ARAP2: variants seen among roughly 807,000 people sequenced by gnomAD.
ARAP2 encodes ArfGAP with RhoGAP domain, ankyrin repeat and PH domain 2, also known as arf-GAP with Rho-GAP domain, ANK repeat and PH domain-containing protein 2.
Under a neutral mutation model 194.5 loss-of-function variants are expected in ARAP2, and 148 were observed. The ratio of observed to expected loss-of-function variants is 0.76; its 90% confidence interval spans 0.67 to 0.87. ARAP2 has a LOEUF of 0.87. ARAP2 is among the 40% of genes least tolerant of loss of function. The probability of loss-of-function intolerance (pLI) is 0.00; values close to 1 mark genes in which losing one functional copy is unlikely to be tolerated. For synonymous variants in ARAP2, 695 were observed against 683.5 expected, an observed-to-expected ratio of 1.02 and a Z score of -0.26; for missense variants, 2,128 against 1,989.7, an observed-to-expected ratio of 1.07 and a Z score of -1.32.
chr4:36,238,076 T>C (rs1288948058), intron 1 of ARAP2, among the ~76,000 whole-genome samples: 1 of 152,160 alleles, frequency 6.6e-6, no homozygotes, highest in Non-Finnish European at 1.5e-5. Context: ...ATCTCTCTCC[T>C]CCGCCATCCA....
chr4:36,136,929 C>T (rs977631810), intron 19 of ARAP2, among the ~76,000 whole-genome samples: 11 of 26,368 alleles, frequency 4.2e-4, no homozygotes, highest in African/African-American at 2.4e-3. Context: ...TACACGCGCG[C>T]GCGCACACAC....
At position 36,187,538 on chromosome 4, in the gene ARAP2, C is replaced by T. The variant is rs769784915; in HGVS notation, c.1591G>A (p.Ala531Thr). 2 of 1,565,530 alleles carry T rather than the reference C, an allele frequency of 1.3e-6. No homozygotes were observed. Among genetic ancestry groups the T allele is most frequent in the East Asian group, 4.6e-5 (2 of 43,094 alleles). Residue 531 changes from alanine to threonine, a missense_variant, in exon 8 of 33, where the codon GCT becomes ACT. Transcript: ENST00000303965. ...CCTTGAACTCGTACTGTTGATATAG[C>T]AGAAAGGGGAATTATTCCTTTCGAA... ...MYSKGIIPLSAISTVRVQGDN... is the reference protein window; with the variant it reads ...MYSKGIIPLSTISTVRVQGDN...
intron 2 of ARAP2, among the ~76,000 whole-genome samples, chr4:36,053,009 G>GT (rs1027438175): frequency 1.2e-4 from 18 of 151,872 alleles, no homozygotes; most frequent in African/African-American, 1.2e-4. Context: ...AGCATGCAGG[G>GT]TTTTTTTTGT....
chr4:36,027,277 G>A (rs1430203548), intron 5 of ARAP2, among the ~76,000 whole-genome samples: 7 of 152,034 alleles, frequency 4.6e-5, no homozygotes, highest in Admixed American at 3.3e-4. Flanking sequence ...GAGAGCAAAG[G>A]TAATTTCAAG....
intron 6 of ARAP2, among the ~76,000 whole-genome samples, chr4:36,197,691 C>T (rs920608572): frequency 2.0e-5 from 3 of 152,200 alleles, no homozygotes; most frequent in Non-Finnish European, 4.4e-5. Flanking sequence ...AGCAAGTGAG[C>T]ATGGGGTCCA....
chr4:36,024,707 G>C (rs572801067), intron 5 of ARAP2, among the ~76,000 whole-genome samples: 1 of 152,062 alleles, frequency 6.6e-6, no homozygotes, highest in South Asian at 2.1e-4. Flanking sequence ...TGTCAATATG[G>C]GAGGTAGGAA....
In ARAP2 at chr4:36,113,784, C is replaced by T. The variant is rs562513415; in HGVS notation, c.4156+386G>A. Among the ~76,000 whole-genome samples the T allele has an allele frequency of 5.1e-4, 77 of 151,976 alleles. 1 individual carries two copies. Among genetic ancestry groups the T allele is most frequent in the Non-Finnish European group, 1.1e-3 (73 of 67,918 alleles). ...GAAAAAAGAAAAATAAAAAATGAAGCTTCTGCTGCTCTTAAAATTATTTTA... is the reference window on the plus strand; with the variant it reads ...GAAAAAAGAAAAATAAAAAATGAAGTTTCTGCTGCTCTTAAAATTATTTTA... On this transcript the variant is annotated intron_variant, in intron 26 of 32. Transcript: ENST00000303965.
chr4:36,018,028 T>C (rs1265354925), intron 6 of ARAP2, among the ~76,000 whole-genome samples: 1 of 152,222 alleles, frequency 6.6e-6, no homozygotes, highest in Non-Finnish European at 1.5e-5. Context: ...GTATTTACTG[T>C]ACTTTTATGA....
chr4:36,107,667 C>A lies in ARAP2; in HGVS notation c.4183G>T (p.Val1395Leu). 6.2e-7 allele frequency: 1 copy of A among 1,609,374 alleles called. No individual in the cohort carries two copies. Among genetic ancestry groups the A allele is most frequent in the Non-Finnish European group, 8.5e-7 (1 of 1,177,244 alleles). ...LERPLHYKEN[V>L]LEQVLRWSSL... is the part of the protein sequence containing the mutation. ...CTCCACCGAAGCACCTGCTCCAGTACATTTTCCTTGTAGTGAAGAGGACGC... is the reference window on the plus strand; with the variant it reads ...CTCCACCGAAGCACCTGCTCCAGTAAATTTTCCTTGTAGTGAAGAGGACGC... The change falls in exon 27 of 33, where the codon GTA becomes TTA. Residue 1395 changes from valine (V) to leucine (L), a missense_variant. Coordinates refer to ENST00000303965, the MANE Select transcript of ARAP2 (RefSeq NM_015230.4).
intron 2 of ARAP2, among the ~76,000 whole-genome samples, chr4:36,228,097 C>T (rs1162261728): frequency 6.6e-6 from 1 of 152,166 alleles, no homozygotes; most frequent in African/African-American, 2.4e-5. Context: ...TCTTTGCATC[C>T]TTCCCACCGA....
intron 19 of ARAP2, 117 bp downstream of exon 19, chr4:36,147,179 T>C (rs1033540404): frequency 8.5e-6 from 7 of 820,148 alleles, no homozygotes; most frequent in Non-Finnish European, 1.4e-5. Flanking sequence ...TTTATATGAT[T>C]CAGAAAATTT....
intron 1 of ARAP2, among the ~76,000 whole-genome samples, chr4:36,234,014 T>G (rs1014979612): frequency 6.6e-6 from 1 of 152,224 alleles, no homozygotes; most frequent in African/African-American, 2.4e-5. Flanking sequence ...ATAAACCCAT[T>G]GTATGCTGCA....
chr4:36,230,474 T>A (rs1191824935), intron 1 of ARAP2, among the ~76,000 whole-genome samples: 5 of 152,232 alleles, frequency 3.3e-5, no homozygotes, highest in Non-Finnish European at 7.3e-5. Context: ...AATCAGCTAA[T>A]TCTTAAATAC....
intron 5 of ARAP2, among the ~76,000 whole-genome samples, chr4:36,021,458 T>C (rs188039636): frequency 2.0e-5 from 3 of 152,306 alleles, no homozygotes; most frequent in Admixed American, 1.3e-4. Context: ...GGTACTGTTA[T>C]CACAATAGCA....
intron 5 of ARAP2, among the ~76,000 whole-genome samples, chr4:36,038,404 G>A (rs530528604): frequency 6.6e-6 from 1 of 152,168 alleles, no homozygotes; most frequent in East Asian, 1.9e-4. Context: ...AAATTCCTTG[G>A]AATATATTTT....
chr4:36,010,219 G>A (rs1714200945), intron 9 of ARAP2, among the ~76,000 whole-genome samples: 1 of 150,314 alleles, frequency 6.7e-6, no homozygotes, highest in African/African-American at 2.4e-5. Flanking sequence ...TTTATATATT[G>A]TATATGATAT....
At chr4:36,130,107 C>T (rs2109595554) in intron 20 of ARAP2, among the ~76,000 whole-genome samples, 1 of 152,030 alleles carries the variant, frequency 6.6e-6, no homozygotes, top group South Asian at 2.1e-4. Flanking sequence ...CTGCCCTCTC[C>T]TTTCCATCCC....
At chr4:36,020,036 C>T (rs1337544632) in intron 5 of ARAP2, among the ~76,000 whole-genome samples, 2 of 152,068 alleles carry the variant, frequency 1.3e-5, no homozygotes, top group Non-Finnish European at 2.9e-5. Flanking sequence ...TATCTATATG[C>T]CAGCATCACT....
At chr4:36,093,849 G>A (rs527963597) in intron 27 of ARAP2, among the ~76,000 whole-genome samples, 11 of 152,224 alleles carry the variant, frequency 7.2e-5, no homozygotes, top group African/African-American at 2.2e-4. Flanking sequence ...GCTCTCACCT[G>A]TAAGTCAGAA....
Sources: allele counts gnomAD v4.1 joint callset (sites outside exome capture counted in the v4.1 genomes callset), GRCh38; gene constraint gnomAD v4.1.1; transcripts MANE v1.5; gene names NCBI Gene and HGNC (gene_info 2026-07-23, HGNC 2026-07-21).